Variants in DLEU7 observed in about 807,000 individuals in gnomAD.
DLEU7 encodes the protein leukemia-associated protein 7.
DLEU7 carries 17 observed loss-of-function variants against 16.0 expected under a neutral mutation model. That is an observed-to-expected ratio of 1.06 (90% CI 0.73 to 1.59). The LOEUF is 1.59. Ranked by LOEUF, DLEU7 falls within the 40% of genes most tolerant of loss-of-function variation. DLEU7 has a pLI of 0.00. For synonymous variants in DLEU7, 113 were observed against 139.8 expected (o/e 0.81, Z 1.35); for missense variants, 308 against 314.9 (o/e 0.98, Z 0.17).
chr13:50,794,571 T>C (rs1876056927), intron 1 of DLEU7, among the ~76,000 whole-genome samples: 1 of 152,202 alleles, frequency 6.6e-6, no homozygotes, highest in Non-Finnish European at 1.5e-5. Flanking sequence ...TTAAGTTTTT[T>C]AATATGAGAA....
At chr13:50,769,871 T>G (rs140916199) in intron 1 of DLEU7, among the ~76,000 whole-genome samples, 1 of 152,240 alleles carries the variant, frequency 6.6e-6, no homozygotes, top group Non-Finnish European at 1.5e-5. Flanking sequence ...ATAAATTACC[T>G]TGGGCAGTAT....
At chr13:50,732,180 A>G (rs983043682) in intron 1 of DLEU7, among the ~76,000 whole-genome samples, 5 of 152,212 alleles carry the variant, frequency 3.3e-5, no homozygotes, top group African/African-American at 9.6e-5. Context: ...TACAGATGTA[A>G]TACTATCACA....
intron 1 of DLEU7, among the ~76,000 whole-genome samples, chr13:50,738,855 A>C (rs1014106277): frequency 2.6e-5 from 4 of 152,058 alleles, no homozygotes; most frequent in African/African-American, 9.7e-5. Flanking sequence ...CATAAGCTTA[A>C]GCTGAAAATT....
chr13:50,761,478 C>T (rs964913228), intron 1 of DLEU7, among the ~76,000 whole-genome samples: 17 of 152,108 alleles, frequency 1.1e-4, no homozygotes, highest in Non-Finnish European at 1.9e-4. Context: ...CATGTGGGAT[C>T]CCTAGTGGAC....
At chr13:50,784,995 A>G (rs1875760205) in intron 1 of DLEU7, among the ~76,000 whole-genome samples, 3 of 152,156 alleles carry the variant, frequency 2.0e-5, no homozygotes, top group Admixed American at 2.0e-4. Context: ...TGGGCTGCTT[A>G]TATAAGGAGA....
chr13:50,839,932 A>G (rs1437751333), intron 1 of DLEU7: 1 of 152,236 alleles, frequency 6.6e-6, no homozygotes, highest in East Asian at 1.9e-4. Flanking sequence ...CAGAAAGGCT[A>G]AATAACTTAC....
intron 1 of DLEU7, among the ~76,000 whole-genome samples, chr13:50,801,620 G>A (rs1324347148): frequency 6.6e-6 from 1 of 151,952 alleles, no homozygotes; most frequent in Non-Finnish European, 1.5e-5. Flanking sequence ...CTGCACTGTT[G>A]GTTGAGATTT....
At chr13:50,736,354 G>C (rs993247782) in intron 1 of DLEU7, among the ~76,000 whole-genome samples, 12 of 152,042 alleles carry the variant, frequency 7.9e-5, no homozygotes, top group African/African-American at 2.7e-4. Flanking sequence ...CCTACTTGAG[G>C]GTGGAGGGTG....
intron 1 of DLEU7, among the ~76,000 whole-genome samples, chr13:50,775,692 G>GA (rs1411671176): frequency 7.2e-5 from 11 of 152,202 alleles, no homozygotes; most frequent in Admixed American, 2.0e-4. Context: ...AACTTTAGTG[G>GA]AAAAAAACAT....
chr13:50,735,826 C>A (rs1874054976), intron 1 of DLEU7, among the ~76,000 whole-genome samples: 1 of 152,062 alleles, frequency 6.6e-6, no homozygotes, highest in African/African-American at 2.4e-5. Flanking sequence ...CATCAGTCGG[C>A]ATGATTATTA....
At chr13:50,798,622 G>A (rs1876163712) in intron 1 of DLEU7, among the ~76,000 whole-genome samples, 1 of 152,162 alleles carries the variant, frequency 6.6e-6, no homozygotes, top group African/African-American at 2.4e-5. Context: ...CTGTTCTTGA[G>A]CTCATGCAAG....
At chr13:50,756,573 T>TAAC (rs774658020) in intron 1 of DLEU7, among the ~76,000 whole-genome samples, 1 of 152,170 alleles carries the variant, frequency 6.6e-6, no homozygotes, top group Non-Finnish European at 1.5e-5. Flanking sequence ...TGTGACCCGC[T>TAAC]AACAACCCTG....
chr13:50,843,493 G>T lies in DLEU7; in HGVS notation c.154C>A (p.Arg52Ser). ...CGGGCCCGCGGCGGGCCTGAGCGAC[G>T]GGCTGGAGCGGTGGACACGTGGTCT... ...DPDHVSTAPA[R>S]RSGPPRARPG... The change falls in exon 1 of 2, where the codon CGT (arginine) becomes AGT (serine). Residue 52 changes from arginine to serine, a missense_variant. Arg to Ser is a moderately radical substitution (Grantham distance 110). Transcript: ENST00000504404. This position sits in a 1 kb window ranked among gnomAD's most constrained non-coding sequence, Gnocchi z 5.7. 1.5e-6 allele frequency: 2 copies of T among 1,364,838 alleles called. No homozygotes were observed. The highest frequency in any genetic ancestry group is 1.9e-6 in the Non-Finnish European group (2 of 1,067,070). The allele number at this position is 1,364,838 out of a possible 1,614,324, so 84.5% of individuals were successfully genotyped here. A position where few individuals can be genotyped will look rare whatever the true frequency, so the allele number is the denominator to read the frequency against.
intron 1 of DLEU7, among the ~76,000 whole-genome samples, chr13:50,745,902 T>C (rs192284530): frequency 2.0e-5 from 3 of 152,300 alleles, no homozygotes; most frequent in Non-Finnish European, 2.9e-5. Flanking sequence ...TTAACTGTAG[T>C]CATAGCAAGG....
chr13:50,730,960 A>G (rs749437002), intron 1 of DLEU7, among the ~76,000 whole-genome samples: 1 of 152,162 alleles, frequency 6.6e-6, no homozygotes, highest in African/African-American at 2.4e-5. Context: ...TAACAAAAGG[A>G]TCAGAGGCTA....
At chr13:50,759,552 T>G (rs1408451234) in intron 1 of DLEU7, among the ~76,000 whole-genome samples, 2 of 152,188 alleles carry the variant, frequency 1.3e-5, no homozygotes, top group East Asian at 1.9e-4. Context: ...ATGTAAGGGC[T>G]TATTCTTATT....
chr13:50,769,947 C>T (rs932681057), intron 1 of DLEU7, among the ~76,000 whole-genome samples: 6 of 152,172 alleles, frequency 3.9e-5, no homozygotes, highest in Admixed American at 3.9e-4. Flanking sequence ...TTGTTTGTGT[C>T]CTCTTTTATT....
rs590718 is a variant in DLEU7, at chr13:50,795,226, A to T, written c.459+47962T>A. On this transcript the variant is annotated intron_variant, in intron 1 of 1. Coordinates refer to the DLEU7 transcript ENST00000400393. ...AAAGTAGCCTCTGGTCAGGGGTCAT[A>T]TATTTTTTTCAGCCAAACAGATCCT... 3.1e-3 allele frequency among the ~76,000 whole-genome samples: 465 copies of T among 152,242 alleles called. 4 individuals carry two copies. Among genetic ancestry groups the T allele is most frequent in the African/African-American group, 0.011 (441 of 41,556 alleles).
At chr13:50,785,830 G>A (rs1259574172) in intron 1 of DLEU7, among the ~76,000 whole-genome samples, 1 of 152,204 alleles carries the variant, frequency 6.6e-6, no homozygotes, top group Non-Finnish European at 1.5e-5. Context: ...TCAGGGAACA[G>A]AGAGATAGAA....
Sources: gnomAD v4.1 joint callset for allele counts (sites outside exome capture counted in the v4.1 genomes callset) on GRCh38, gnomAD v4.1.1 for gene constraint, Gnocchi (gnomAD v3.1) non-coding constraint, MANE v1.5 for transcripts, NCBI Gene and HGNC (gene_info 2026-07-23, HGNC 2026-07-21) for gene names.